Variants in INSL6 observed in about 807,000 individuals in gnomAD.
The protein encoded by INSL6 is insulin-like peptide INSL6.
In INSL6, 16 loss-of-function variants were observed where a neutral mutation model predicts 9.4. That is an observed-to-expected ratio of 1.70 (90% CI 1.15 to 2.59). INSL6 has a LOEUF of 2.59. Among genes scored for constraint, INSL6 ranks in the 30% most tolerant of loss-of-function variants. The pLI, the probability that INSL6 is intolerant of heterozygous loss-of-function variation, is 0.00. For synonymous variants in INSL6, 154 were observed against 96.9 expected (o/e 1.59, Z -3.46); for missense variants, 391 against 257.3 (o/e 1.52, Z -3.56).
At chr9:5,124,822 G>A (rs1026615057) in intron 3 of INSL6, among the ~76,000 whole-genome samples, 2 of 151,348 alleles carry the variant, frequency 1.3e-5, no homozygotes, top group Non-Finnish European at 3.0e-5. Flanking sequence ...TTTTTAACAT[G>A]AGAAAGGATT....
chr9:5,109,871 A>G, the INSL6 span: 1 of 152,000 alleles, frequency 6.6e-6, no homozygotes, highest in African/African-American at 2.4e-5. Context: ...CCACCAACAA[A>G]CTCTTTCAAC....
At chr9:5,081,045 G>A in the INSL6 span, among the ~76,000 whole-genome samples, 93 of 151,530 alleles carry the variant, frequency 6.1e-4, no homozygotes, top group Non-Finnish European at 1.2e-3. Flanking sequence ...ACAGGCGCCC[G>A]CCACCACACC....
At chr9:5,178,848 A>C (rs1374433823) in intron 1 of INSL6, among the ~76,000 whole-genome samples, 1 of 152,204 alleles carries the variant, frequency 6.6e-6, no homozygotes, top group Non-Finnish European at 1.5e-5. Flanking sequence ...CTTACACTCT[A>C]CACAAAAATT....
chr9:5,064,846 C>G, the INSL6 span: 1 of 1,444,358 alleles, frequency 6.9e-7, no homozygotes, highest in Non-Finnish European at 9.2e-7. Flanking sequence ...AGTTGACTTT[C>G]TAAAAGGTGC....
the INSL6 span, among the ~76,000 whole-genome samples, chr9:5,025,743 G>A: frequency 6.6e-6 from 1 of 152,082 alleles, no homozygotes; most frequent in South Asian, 2.1e-4. Flanking sequence ...TGTTGGCCAA[G>A]CTTATCTCAA....
chr9:5,164,737 C>T (rs1825010107), intron 1 of INSL6, among the ~76,000 whole-genome samples: 1 of 152,220 alleles, frequency 6.6e-6, no homozygotes, highest in Non-Finnish European at 1.5e-5. Context: ...GCATACAATA[C>T]ATGACCTTTT....
chr9:5,012,890 G>A, the INSL6 span, among the ~76,000 whole-genome samples: 1 of 152,270 alleles, frequency 6.6e-6, no homozygotes, highest in South Asian at 2.1e-4. Flanking sequence ...AGGTTATTGG[G>A]AGGCAAAGTA....
chr9:5,185,259 C>CAGG, intron 1 of INSL6, 55 bp downstream of exon 1: 1 of 1,608,622 alleles, frequency 6.2e-7, no homozygotes, highest in Non-Finnish European at 8.5e-7. Context: ...AGAGCAAATG[C>CAGG]AGGAATAAGA....
the INSL6 span, among the ~76,000 whole-genome samples, chr9:5,101,726 C>T: frequency 6.6e-6 from 1 of 152,346 alleles, no homozygotes; most frequent in Non-Finnish European, 1.5e-5. Flanking sequence ...ATTTGCTGTT[C>T]TGCAGCCTCC....
At chr9:4,995,337 T>C in the INSL6 span, among the ~76,000 whole-genome samples, 2 of 152,206 alleles carry the variant, frequency 1.3e-5, no homozygotes, top group Non-Finnish European at 2.9e-5. Context: ...CTGTAGATAG[T>C]GTGATTTTGT....
the INSL6 span, chr9:5,114,691 TG>T: frequency 2.4e-6 from 1 of 418,092 alleles, no homozygotes; most frequent in South Asian, 1.9e-5. Flanking sequence ...TTCAGCTGCC[TG>T]GAGGTTACCA....
the INSL6 span, among the ~76,000 whole-genome samples, chr9:4,997,910 G>C: frequency 1.2e-4 from 18 of 151,802 alleles, no homozygotes; most frequent in South Asian, 2.9e-3. Flanking sequence ...TTTATCCATA[G>C]GTGCTTAATT....
At chr9:5,130,154 T>C (rs1824238365) in intron 3 of INSL6, among the ~76,000 whole-genome samples, 1 of 152,208 alleles carries the variant, frequency 6.6e-6, no homozygotes, top group Admixed American at 6.5e-5. Flanking sequence ...TTGCTTAACA[T>C]TTTATTTTGA....
chr9:5,134,653 C>A (rs905094875), intron 2 of INSL6, among the ~76,000 whole-genome samples: 1 of 152,120 alleles, frequency 6.6e-6, no homozygotes, highest in African/African-American at 2.4e-5. Context: ...GATTTTGTCA[C>A]CATCAGGCCT....
the INSL6 span, among the ~76,000 whole-genome samples, chr9:4,994,846 CTT>C: frequency 2.6e-5 from 4 of 152,100 alleles, no homozygotes; most frequent in Non-Finnish European, 1.5e-5. Context: ...GTATTTGTCT[CTT>C]TTTATTCTTT....
chr9:5,097,140 G>A, the INSL6 span: 1 of 152,028 alleles, frequency 6.6e-6, no homozygotes, highest in African/African-American at 2.4e-5. Context: ...TATTTTAGGA[G>A]CCATTAACTT....
the INSL6 span, chr9:5,042,001 C>T: frequency 2.9e-6 from 1 of 350,226 alleles, no homozygotes; most frequent in South Asian, 2.3e-5. Flanking sequence ...CCTTGGGGCC[C>T]ACCCACAGCG....
At chr9:5,092,445 G>A in the INSL6 span, among the ~76,000 whole-genome samples, 3 of 152,068 alleles carry the variant, frequency 2.0e-5, no homozygotes, top group South Asian at 2.1e-4. Flanking sequence ...GCTTACACCC[G>A]GAAGATTTCA....
chr9:5,054,915 G>C, the INSL6 span: 4 of 1,418,338 alleles, frequency 2.8e-6, no homozygotes, highest in Non-Finnish European at 3.9e-6. The surrounding 1 kb of genome is among the most constrained non-coding windows in gnomAD (Gnocchi z 4.9). Flanking sequence ...CTTGTTCTTT[G>C]TTATTTTAAG....
Sources: gnomAD v4.1 joint callset for allele counts (sites outside exome capture counted in the v4.1 genomes callset) on GRCh38, gnomAD v4.1.1 for gene constraint, Gnocchi (gnomAD v3.1) non-coding constraint, MANE v1.5 for transcripts, NCBI Gene and HGNC (gene_info 2026-07-23, HGNC 2026-07-21) for gene names.